ADAM2: variants seen among roughly 807,000 people sequenced by gnomAD.
ADAM2 encodes disintegrin and metalloproteinase domain-containing protein 2.
In ADAM2, 101 loss-of-function variants were observed where a neutral mutation model predicts 99.3. That is an observed-to-expected ratio of 1.02 (90% CI 0.87 to 1.20). The LOEUF (loss-of-function observed/expected upper bound fraction) is 1.20, where lower values mean the gene tolerates loss of function less well. Among genes scored for constraint, ADAM2 ranks in the 50% most tolerant of loss-of-function variants. The pLI is 0.00. For missense variants in ADAM2, 948 were observed against 878.7 expected (o/e 1.08, Z -1.00); for synonymous variants, 323 against 287.6 (o/e 1.12, Z -1.25).
chr8:39,777,179 A>C lies in ADAM2; in HGVS notation c.892-18T>G. On this transcript the variant is annotated intron_variant, in intron 10 of 20. Transcript: ENST00000265708. Reference sequence around the variant, plus strand: ...CTGGGGTGCTGAGAAAAAAAAATAGATGTACACGTTTTGGGAGATTATTTT... The same window carrying C: ...CTGGGGTGCTGAGAAAAAAAAATAGCTGTACACGTTTTGGGAGATTATTTT... The C allele has an allele frequency of 6.3e-7, 1 of 1,589,742 alleles. No homozygotes were observed. The highest frequency in any genetic ancestry group is 8.6e-7 in the Non-Finnish European group (1 of 1,168,726).
At position 39,836,351 on chromosome 8, in the gene ADAM2, T is replaced by C. The variant is rs543215311; in HGVS notation, c.132+785A>G. ...TTTACATTAAAAATGTTTCATAAAA[T>C]ATTGTTAAAAGCCTCACTGCTTTTT... On this transcript the variant is annotated intron_variant, in intron 2 of 20. Transcript: ENST00000265708. Among the ~76,000 whole-genome samples the C allele has an allele frequency of 4.6e-5, 7 of 152,314 alleles. No individual in the cohort carries two copies. The South Asian group carries it at 1.2e-3, about 27-fold the overall frequency.
At chr8:39,784,551 A>T (rs1036161668) in intron 10 of ADAM2, among the ~76,000 whole-genome samples, 17 of 152,038 alleles carry the variant, frequency 1.1e-4, no homozygotes, top group African/African-American at 3.9e-4. Context: ...ATATTTTTTT[A>T]AATTATTGTA....
At chr8:39,789,281 G>A (rs1363988032) in intron 7 of ADAM2, among the ~76,000 whole-genome samples, 1 of 151,718 alleles carries the variant, frequency 6.6e-6, no homozygotes, top group South Asian at 2.1e-4. Context: ...TTTAACAATC[G>A]TATTTAAAGA....
intron 9 of ADAM2, among the ~76,000 whole-genome samples, chr8:39,787,374 G>C (rs904831157): frequency 1.3e-5 from 2 of 151,352 alleles, no homozygotes; most frequent in African/African-American, 2.4e-5. Flanking sequence ...AAAAAGCTAA[G>C]GCAATGCAAC....
At chr8:39,801,690 G>C (rs950276062) in intron 7 of ADAM2, among the ~76,000 whole-genome samples, 2 of 151,858 alleles carry the variant, frequency 1.3e-5, no homozygotes, top group African/African-American at 4.8e-5. Flanking sequence ...GGGACATCCG[G>C]GTTCTGTCCC....
chr8:39,745,831 T>C (rs1345607734), intron 19 of ADAM2, among the ~76,000 whole-genome samples: 1 of 151,980 alleles, frequency 6.6e-6, no homozygotes, highest in Non-Finnish European at 1.5e-5. Flanking sequence ...AAAATACATA[T>C]TTAACAAGAT....
rs981844639 is a variant in ADAM2, at chr8:39,787,131, T to C, written c.810-76A>G. Reference sequence around the variant, plus strand: ...GAATTTTTATAAGACAAATTTTACATTTATGATAATCATTAATATTTACAT... The same window carrying C: ...GAATTTTTATAAGACAAATTTTACACTTATGATAATCATTAATATTTACAT... On this transcript the variant is annotated intron_variant, in intron 9 of 20. Transcript: ENST00000265708. The C allele has an allele frequency of 8.2e-6, 7 of 856,250 alleles. No individual in the cohort carries two copies. In the South Asian group the frequency reaches 1.0e-4, roughly 12 times the overall value. 53.0% of individuals were successfully genotyped at this position (856,250 alleles called of 1,614,324 possible). A position where few individuals can be genotyped will look rare whatever the true frequency, so the allele number is the denominator to read the frequency against.
intron 14 of ADAM2, among the ~76,000 whole-genome samples, chr8:39,764,781 A>C (rs923891301): frequency 6.6e-6 from 1 of 152,146 alleles, no homozygotes; most frequent in Admixed American, 6.6e-5. Flanking sequence ...CGGGAGGCCC[A>C]GGCAGGCAGA....
At chr8:39,744,145 T>C (rs1823350338) in intron 20 of ADAM2, 81 bp from the exon 21 acceptor site, 1 of 152,074 alleles carries the variant, frequency 6.6e-6, no homozygotes, top group African/African-American at 2.4e-5. Context: ...CAAGTAACCT[T>C]ATTGCAAAGT....
Position 39,838,187 on chromosome 8 carries a change from G to A in ADAM2, c.-2C>T, listed in dbSNP as rs868609674. The A allele has an allele frequency of 6.2e-7, 1 of 1,614,014 alleles. No homozygotes were observed. The highest frequency in any genetic ancestry group is 8.5e-7 in the Non-Finnish European group (1 of 1,180,026). Reference sequence around the variant, plus strand: ...GAGCAGAAACAAGACGCGCCACATGGCTTGAAGTCCTGGGTCCCAGCCGGA... The same window carrying A: ...GAGCAGAAACAAGACGCGCCACATGACTTGAAGTCCTGGGTCCCAGCCGGA... On this transcript the variant is annotated 5_prime_UTR_variant, in exon 1 of 21. Transcript: ENST00000265708.
At chr8:39,815,699 C>T (rs2129587583) in intron 6 of ADAM2, among the ~76,000 whole-genome samples, 1 of 152,050 alleles carries the variant, frequency 6.6e-6, no homozygotes, top group South Asian at 2.1e-4. Flanking sequence ...ACTTTATGAC[C>T]TTTTAAATAC....
At chr8:39,837,813 G>T (rs943334997) in intron 1 of ADAM2, among the ~76,000 whole-genome samples, 2 of 152,144 alleles carry the variant, frequency 1.3e-5, no homozygotes, top group Admixed American at 1.3e-4. Flanking sequence ...TCTTCAACTA[G>T]AGAGTACAGA....
chr8:39,796,842 CT>C (rs1451336651), intron 7 of ADAM2, among the ~76,000 whole-genome samples: 2 of 152,044 alleles, frequency 1.3e-5, no homozygotes, highest in Non-Finnish European at 2.9e-5. Context: ...TAAATGTCTT[CT>C]TTTGAGAAGT....
chr8:39,829,476 G>A (rs1388325550), intron 3 of ADAM2, among the ~76,000 whole-genome samples: 1 of 151,914 alleles, frequency 6.6e-6, no homozygotes, highest in African/African-American at 2.4e-5. Flanking sequence ...CTTACAGTTA[G>A]AGAAATACAT....
rs749576685 is a variant in ADAM2, at chr8:39,796,762, T to C, written c.571-8022A>G. Among the ~76,000 whole-genome samples the C allele has an allele frequency of 7.9e-4, 120 of 152,370 alleles. 5 individuals carry two copies. The highest frequency in any genetic ancestry group is 2.1e-4 in the Non-Finnish European group (14 of 68,030). Reference sequence around the variant, plus strand: ...ACTTGTGTGACATGGTATCTCATTGTAGTTTTGACTTGAATTTCTCTGATT... The same window carrying C: ...ACTTGTGTGACATGGTATCTCATTGCAGTTTTGACTTGAATTTCTCTGATT... On this transcript the variant is annotated intron_variant, in intron 7 of 20. Coordinates refer to ENST00000265708, the MANE Select transcript of ADAM2 (RefSeq NM_001464.5).
chr8:39,831,661 C>G (rs1486020607), intron 3 of ADAM2, among the ~76,000 whole-genome samples: 18 of 151,888 alleles, frequency 1.2e-4, no homozygotes, highest in Admixed American at 6.6e-5. Context: ...GAAATCCTAA[C>G]CATGAAAAAT....
At chr8:39,808,221 C>CACAT (rs1477673785) in intron 7 of ADAM2, among the ~76,000 whole-genome samples, 1 of 149,980 alleles carries the variant, frequency 6.7e-6, no homozygotes, top group African/African-American at 2.5e-5. Flanking sequence ...CACACACACA[C>CACAT]AATTACAAGT....
chr8:39,835,681 C>CAA (rs34604322), intron 2 of ADAM2, among the ~76,000 whole-genome samples: 9,987 of 129,228 alleles, frequency 0.077, 421 homozygotes, highest in Non-Finnish European at 0.1. Context: ...GACTCCGTCT[C>CAA]AAAAAAAAAA....
At chr8:39,786,897 C>T in intron 10 of ADAM2, 77 bp downstream of exon 10, 2 of 1,090,878 alleles carry the variant, frequency 1.8e-6, no homozygotes, top group South Asian at 1.7e-5. Flanking sequence ...TTTTAATACA[C>T]ATAAAAATTA....
Sources: gnomAD v4.1 joint callset for allele counts (sites outside exome capture counted in the v4.1 genomes callset) on GRCh38, gnomAD v4.1.1 for gene constraint, MANE v1.5 for transcripts, NCBI Gene and HGNC (gene_info 2026-07-23, HGNC 2026-07-21) for gene names.